Variants in FARP1 observed in about 807,000 individuals in gnomAD.
FARP1 encodes FERM, ARHGEF and pleckstrin domain-containing protein 1.
FARP1 carries 52 observed loss-of-function variants against 128.8 expected under a neutral mutation model. The ratio of observed to expected loss-of-function variants is 0.40; its 90% CI spans 0.32 to 0.51. FARP1 has a LOEUF of 0.51. FARP1 is among the 20% of genes least tolerant of loss of function. The pLI is 0.45. For missense variants in FARP1, 1,333 were observed against 1,367.9 expected, an observed-to-expected ratio of 0.97 and a Z score of 0.40; for synonymous variants, 580 against 551.8, an observed-to-expected ratio of 1.05 and a Z score of -0.72.
intron 2 of FARP1, among the ~76,000 whole-genome samples, chr13:98,232,129 T>C (rs1448691310): frequency 2.1e-5 from 3 of 141,224 alleles, no homozygotes; most frequent in Non-Finnish European, 4.5e-5. Flanking sequence ...CGTGCCCGGC[T>C]TTTTTTGTTT....
chr13:98,380,765 G>A (rs1014022481), intron 6 of FARP1, among the ~76,000 whole-genome samples: 23 of 151,990 alleles, frequency 1.5e-4, no homozygotes, highest in African/African-American at 5.6e-4. Context: ...TTTTTGTAGA[G>A]CTGAGGTCTC....
intron 16 of FARP1, among the ~76,000 whole-genome samples, chr13:98,415,539 T>C (rs1223292255): frequency 5.3e-5 from 8 of 152,206 alleles, no homozygotes; most frequent in African/African-American, 1.7e-4. Flanking sequence ...GGCAGGCACA[T>C]AGGGCACAGA....
chr13:98,278,707 C>G (rs1383054223), intron 2 of FARP1, among the ~76,000 whole-genome samples: 3 of 152,170 alleles, frequency 2.0e-5, no homozygotes, highest in Non-Finnish European at 4.4e-5. Context: ...ACATTTCTAC[C>G]TTGTGGTTTC....
At position 98,396,888 on chromosome 13, in the gene FARP1, C is replaced by T. The variant is rs138601919; in HGVS notation, c.1414+1412C>T. The T allele has an allele frequency of 2.1e-3, 337 of 158,964 alleles. 2 individuals carry two copies. The highest frequency in any genetic ancestry group is 7.6e-3 in the African/African-American group (317 of 41,956). 9.8% of individuals were successfully genotyped at this position (158,964 alleles called of 1,614,324 possible). A position where few individuals can be genotyped will look rare whatever the true frequency, so the allele number is the denominator to read the frequency against. ...CCCTCCTGTTGGTTGAGAGTTTGAACTGAAGCATCCTTGAGATTACAGAAA... is the reference window on the plus strand; with the variant it reads ...CCCTCCTGTTGGTTGAGAGTTTGAATTGAAGCATCCTTGAGATTACAGAAA... On this transcript the variant is annotated intron_variant, in intron 13 of 26. Coordinates refer to ENST00000319562, the MANE Select transcript of FARP1 (RefSeq NM_005766.4).
At chr13:98,382,104 G>A (rs1451690634) in intron 6 of FARP1, among the ~76,000 whole-genome samples, 10 of 152,216 alleles carry the variant, frequency 6.6e-5, no homozygotes, top group Non-Finnish European at 1.3e-4. Context: ...GTATGTGGCG[G>A]TAGCCCCAGG....
At chr13:98,358,684 G>A (rs1443964083) in intron 3 of FARP1, among the ~76,000 whole-genome samples, 2 of 151,936 alleles carry the variant, frequency 1.3e-5, no homozygotes, top group African/African-American at 4.8e-5. Flanking sequence ...CACCCAGGCT[G>A]GAGTGCAATG....
chr13:98,350,348 T>C (rs1888363472), intron 3 of FARP1, among the ~76,000 whole-genome samples: 1 of 152,174 alleles, frequency 6.6e-6, no homozygotes, highest in Non-Finnish European at 1.5e-5. Context: ...CAGTTTTAAG[T>C]TGACAACAAA....
In FARP1 at chr13:98,422,550, A is replaced by G. The variant is rs76362410; in HGVS notation, c.1827-2022A>G. Among the ~76,000 whole-genome samples, 657 of 152,232 alleles carry G rather than the reference A, an allele frequency of 4.3e-3. 7 individuals carry two copies. The highest frequency in any genetic ancestry group is 0.015 in the African/African-American group (622 of 41,538). On this transcript the variant is annotated intron_variant, in intron 16 of 26. Transcript: ENST00000319562. ...GATTTTAGAGAAGCTTTAATTACCTAAAAGGTTTGGGTGCCCTCAGTCTTT... is the reference window on the plus strand; with the variant it reads ...GATTTTAGAGAAGCTTTAATTACCTGAAAGGTTTGGGTGCCCTCAGTCTTT...
In FARP1 at chr13:98,143,781, C is replaced by G. The variant is rs1441607027; in HGVS notation, c.-24+289C>G. Among the ~76,000 whole-genome samples the G allele has an allele frequency of 6.6e-5, 10 of 151,840 alleles. No individual in the cohort carries two copies. The East Asian group carries it at 1.4e-3, about 21-fold the overall frequency. On this transcript the variant is annotated intron_variant, in intron 1 of 26. Transcript: ENST00000319562. Reference sequence around the variant, plus strand: ...GACGTCGGGCTGCGGGGCTCCGCGCCGGTCCCCGCTCGCCTCCCCCGACCC... The same window carrying G: ...GACGTCGGGCTGCGGGGCTCCGCGCGGGTCCCCGCTCGCCTCCCCCGACCC...
rs372003185 is a variant in FARP1 at position 98,343,729 on chromosome 13, C to G, written c.172-33C>G. On this transcript the variant is annotated intron_variant, in intron 2 of 26. Transcript: ENST00000319562. ...GTGGTTTGTTTTCATCCGTGCCTGCCTCAGGGATAACCCCTGTTGTTTCTG... is the reference window on the plus strand; with the variant it reads ...GTGGTTTGTTTTCATCCGTGCCTGCGTCAGGGATAACCCCTGTTGTTTCTG... The G allele has an allele frequency of 1.4e-5, 21 of 1,476,584 alleles. No individual in the cohort carries two copies. In the African/African-American group the frequency reaches 2.6e-4, roughly 19 times the overall value. The allele number at this position is 1,476,584 out of a possible 1,614,324, so 91.5% of individuals were successfully genotyped here. A position where few individuals can be genotyped will look rare whatever the true frequency, so the allele number is the denominator to read the frequency against.
intron 2 of FARP1, among the ~76,000 whole-genome samples, chr13:98,342,004 A>G (rs1887994609): frequency 6.6e-6 from 1 of 152,230 alleles, no homozygotes; most frequent in Non-Finnish European, 1.5e-5. Context: ...ACCATCTATA[A>G]TACAGTGGAA....
chr13:98,179,808 G>C (rs2139196888), intron 1 of FARP1, among the ~76,000 whole-genome samples: 3 of 152,240 alleles, frequency 2.0e-5, no homozygotes, highest in Middle Eastern at 6.8e-3. Context: ...AGTGAGCCGA[G>C]ATCAAGCCAC....
chr13:98,282,700 C>T (rs1267649537), intron 2 of FARP1, among the ~76,000 whole-genome samples: 2 of 152,042 alleles, frequency 1.3e-5, no homozygotes, highest in Non-Finnish European at 2.9e-5. Context: ...GTCAAAAGAT[C>T]GAGACCATCC....
At chr13:98,260,246 T>G (rs990366985) in intron 2 of FARP1, among the ~76,000 whole-genome samples, 1 of 152,246 alleles carries the variant, frequency 6.6e-6, no homozygotes, top group East Asian at 1.9e-4. Flanking sequence ...GAAGGTATTA[T>G]GTGTTGAGTT....
chr13:98,231,448 T>C (rs1882109391), intron 2 of FARP1, among the ~76,000 whole-genome samples: 1 of 152,178 alleles, frequency 6.6e-6, no homozygotes, highest in African/African-American at 2.4e-5. Flanking sequence ...TTTTATTTTA[T>C]TTTATTTGAG....
At chr13:98,256,524 G>A (rs1270927793) in intron 2 of FARP1, among the ~76,000 whole-genome samples, 1 of 151,516 alleles carries the variant, frequency 6.6e-6, no homozygotes, top group Non-Finnish European at 1.5e-5. Flanking sequence ...TTTAAAAATG[G>A]TAAATTTTTG....
In FARP1 at chr13:98,209,254, C is replaced by T. The variant is rs535791663; in HGVS notation, c.-23-3966C>T. ...CGATCTCCTGACCTCGTGATCCACC[C>T]GCCTTGGCCTCCCAAAGTGCTGGGA... On this transcript the variant is annotated intron_variant, in intron 1 of 26. Coordinates refer to ENST00000319562, the MANE Select transcript of FARP1 (RefSeq NM_005766.4). Among the ~76,000 whole-genome samples, 1,377 of 151,912 alleles carry T rather than the reference C, an allele frequency of 9.1e-3. 11 individuals are homozygous for T. The highest frequency in any genetic ancestry group is 0.016 in the Non-Finnish European group (1,060 of 67,958).
chr13:98,380,667 G>A (rs1338360164), intron 6 of FARP1, among the ~76,000 whole-genome samples: 2 of 151,858 alleles, frequency 1.3e-5, no homozygotes, highest in Non-Finnish European at 2.9e-5. Flanking sequence ...TCGACCTCCT[G>A]GAATCAGGCA....
Position 98,253,988 on chromosome 13 carries a change from G to T in FARP1, c.171+40575G>T, listed in dbSNP as rs1440013985. Among the ~76,000 whole-genome samples, 4 of 152,282 alleles carry T rather than the reference G, an allele frequency of 2.6e-5. No individual in the cohort carries two copies. The South Asian group carries it at 8.3e-4, about 32-fold the overall frequency. ...TTCATAACACAAAGTGGGGCTCATC[G>T]CATAGTTATATACAGCTTTGAAAAT... On this transcript the variant is annotated intron_variant, in intron 2 of 26. Transcript: ENST00000319562.
Sources: gnomAD v4.1 joint callset for allele counts (sites outside exome capture counted in the v4.1 genomes callset) on GRCh38, gnomAD v4.1.1 for gene constraint, MANE v1.5 for transcripts, NCBI Gene and HGNC (gene_info 2026-07-23, HGNC 2026-07-21) for gene names.